GABRG3: variants seen among roughly 807,000 people sequenced by gnomAD.
GABRG3 encodes gamma-aminobutyric acid type A receptor subunit gamma3.
Under a neutral mutation model 48.8 loss-of-function variants are expected in GABRG3, and 25 were observed. The observed-to-expected ratio is 0.51, with a 90% CI of 0.37 to 0.72. GABRG3 has a LOEUF of 0.72. Among genes scored for constraint, GABRG3 ranks in the 30% least tolerant of loss-of-function variants. GABRG3 has a pLI of 0.00. For missense variants in GABRG3, 394 were observed against 577.9 expected (o/e 0.68, Z 3.26); for synonymous variants, 227 against 217.6 (o/e 1.04, Z -0.38).
intron 4 of GABRG3, among the ~76,000 whole-genome samples, chr15:27,328,128 CCAA>C (rs781592663): frequency 4.1e-5 from 5 of 122,750 alleles, no homozygotes; most frequent in East Asian, 2.2e-4. Context: ...AAAAAAAAAA[CCAA>C]AAAAAAAAAA....
At chr15:27,131,284 T>G (rs543013088) in intron 3 of GABRG3, among the ~76,000 whole-genome samples, 31 of 152,242 alleles carry the variant, frequency 2.0e-4, no homozygotes, top group African/African-American at 7.5e-4. Flanking sequence ...CTGCATCAAT[T>G]GAGATGATCA....
intron 5 of GABRG3, among the ~76,000 whole-genome samples, chr15:27,345,453 C>G (rs551713888): frequency 1.6e-3 from 245 of 152,126 alleles, no homozygotes; most frequent in African/African-American, 5.7e-3. Context: ...TTATGTAGTA[C>G]AGAAACCTGG....
chr15:27,434,144 G>T (rs1333762479), intron 5 of GABRG3, among the ~76,000 whole-genome samples: 2 of 152,184 alleles, frequency 1.3e-5, no homozygotes, highest in African/African-American at 2.4e-5. Flanking sequence ...CATGGAAATT[G>T]CTGGAGTGAC....
intron 5 of GABRG3, chr15:27,362,370 G>A (rs1895053494): frequency 6.6e-6 from 1 of 152,192 alleles, no homozygotes; most frequent in Non-Finnish European, 1.5e-5. Flanking sequence ...CATGCAGCAA[G>A]TATCCCAGCA....
At chr15:27,219,927 G>C (rs760945068) in intron 3 of GABRG3, among the ~76,000 whole-genome samples, 9 of 152,212 alleles carry the variant, frequency 5.9e-5, no homozygotes, top group Non-Finnish European at 1.2e-4. Flanking sequence ...CAGCAATAGA[G>C]GAGGGTGGTC....
intron 5 of GABRG3, among the ~76,000 whole-genome samples, chr15:27,380,499 T>A (rs1264567168): frequency 6.6e-6 from 1 of 152,070 alleles, no homozygotes. Context: ...TGTAAAAGGA[T>A]TGGAAGTAAA....
At chr15:27,415,980 C>T (rs1416203995) in intron 5 of GABRG3, among the ~76,000 whole-genome samples, 1 of 152,168 alleles carries the variant, frequency 6.6e-6, no homozygotes, top group South Asian at 2.1e-4. Context: ...TACCATACCC[C>T]CCCTCTTTCT....
At chr15:27,117,077 A>G (rs1897654208) in intron 3 of GABRG3, among the ~76,000 whole-genome samples, 1 of 152,240 alleles carries the variant, frequency 6.6e-6, no homozygotes, top group Non-Finnish European at 1.5e-5. Context: ...AATTTTGGTT[A>G]AGCAAATTCA....
intron 3 of GABRG3, 131 bp downstream of exon 3, chr15:27,026,952 T>C (rs1895995239): frequency 3.7e-6 from 2 of 534,410 alleles, no homozygotes; most frequent in Non-Finnish European, 6.4e-6. Context: ...TCTGTAACAC[T>C]TATTGGAATA....
chr15:27,015,551 A>T (rs113476492), intron 2 of GABRG3, among the ~76,000 whole-genome samples: 1 of 150,188 alleles, frequency 6.7e-6, no homozygotes. Flanking sequence ...CACCTGGCTA[A>T]TTTTTTTTTG....
At chr15:27,417,565 G>A (rs562807992) in intron 5 of GABRG3, among the ~76,000 whole-genome samples, 3 of 152,074 alleles carry the variant, frequency 2.0e-5, no homozygotes, top group Admixed American at 6.5e-5. Flanking sequence ...GTGCCCTCAG[G>A]TCCACAGCTC....
At chr15:27,307,069 T>C (rs201032830) in intron 3 of GABRG3, among the ~76,000 whole-genome samples, 1 of 120,570 alleles carries the variant, frequency 8.3e-6, no homozygotes, top group Admixed American at 8.4e-5. Flanking sequence ...ACATGTATAA[T>C]ATAAACATGT....
intron 6 of GABRG3, among the ~76,000 whole-genome samples, chr15:27,514,995 A>C (rs1465717835): frequency 6.6e-6 from 1 of 152,256 alleles, no homozygotes; most frequent in African/African-American, 2.4e-5. Flanking sequence ...CAAATTCTCA[A>C]GAATGACACA....
intron 3 of GABRG3, among the ~76,000 whole-genome samples, chr15:27,102,451 A>C (rs955705328): frequency 1.3e-5 from 2 of 152,212 alleles, no homozygotes; most frequent in Non-Finnish European, 2.9e-5. Context: ...AATAACAATA[A>C]CAACAACAGA....
chr15:27,303,695 AT>A (rs1405579195), intron 3 of GABRG3, among the ~76,000 whole-genome samples: 6 of 150,954 alleles, frequency 4.0e-5, no homozygotes, highest in African/African-American at 1.5e-4. Context: ...ATGGATGTGT[AT>A]ATATATATAT....
intron 3 of GABRG3, among the ~76,000 whole-genome samples, chr15:27,182,629 G>A (rs556997889): frequency 2.0e-5 from 3 of 152,230 alleles, no homozygotes; most frequent in Non-Finnish European, 4.4e-5. Flanking sequence ...ATGAGATGAC[G>A]GGAGGGGGTG....
At chr15:27,176,984 GAGAA>G (rs1036540923) in intron 3 of GABRG3, among the ~76,000 whole-genome samples, 5 of 152,212 alleles carry the variant, frequency 3.3e-5, no homozygotes, top group Admixed American at 6.5e-5. Flanking sequence ...TTGCAATAGA[GAGAA>G]AGAGTTTAAT....
chr15:27,030,765 T>A (rs1343884679), intron 3 of GABRG3, among the ~76,000 whole-genome samples: 1 of 152,166 alleles, frequency 6.6e-6, no homozygotes, highest in Non-Finnish European at 1.5e-5. Context: ...TTGACCTTCC[T>A]GCTTGTTTGA....
At chr15:27,202,185 A>T (rs940940106) in intron 3 of GABRG3, among the ~76,000 whole-genome samples, 1 of 152,176 alleles carries the variant, frequency 6.6e-6, no homozygotes, top group African/African-American at 2.4e-5. Flanking sequence ...ATATAATCCT[A>T]TACAAAGACA....
Sources: allele counts gnomAD v4.1 joint callset (sites outside exome capture counted in the v4.1 genomes callset), GRCh38; gene constraint gnomAD v4.1.1; transcripts MANE v1.5; gene names NCBI Gene and HGNC (gene_info 2026-07-23, HGNC 2026-07-21).